Variants in LARP1B observed in about 807,000 individuals in gnomAD.
LARP1B encodes the protein La ribonucleoprotein 1B.
Under a neutral mutation model 114.2 loss-of-function variants are expected in LARP1B, and 76 were observed. The ratio of observed to expected loss-of-function variants is 0.67; its 90% CI spans 0.55 to 0.81. The LOEUF (loss-of-function observed/expected upper bound fraction) is 0.81. Among genes scored for constraint, LARP1B ranks in the 30% least tolerant of loss-of-function variants. LARP1B has a pLI of 0.00. For synonymous variants in LARP1B, 345 were observed against 348.0 expected, an observed-to-expected ratio of 0.99 and a Z score of 0.10; for missense variants, 1,014 against 1,075.8, an observed-to-expected ratio of 0.94 and a Z score of 0.80.
At chr4:128,099,283 T>C (rs1779414292) in intron 8 of LARP1B, among the ~76,000 whole-genome samples, 1 of 150,026 alleles carries the variant, frequency 6.7e-6, no homozygotes, top group African/African-American at 2.4e-5. Context: ...TTTTTCTTTT[T>C]TTCTTTCTTT....
chr4:128,083,225 C>A (rs1373689735), intron 5 of LARP1B, among the ~76,000 whole-genome samples: 1 of 152,218 alleles, frequency 6.6e-6, no homozygotes, highest in Non-Finnish European at 1.5e-5. Flanking sequence ...ACTTTCCACA[C>A]AGACACGGCA....
chr4:128,194,491 G>A (rs1753371500), intron 15 of LARP1B, among the ~76,000 whole-genome samples: 1 of 150,404 alleles, frequency 6.6e-6, no homozygotes, highest in Non-Finnish European at 1.5e-5. Flanking sequence ...GACCATCCTG[G>A]CTAACACGGT....
intron 15 of LARP1B, among the ~76,000 whole-genome samples, chr4:128,193,648 C>T (rs952909841): frequency 2.0e-5 from 3 of 151,978 alleles, no homozygotes; most frequent in Admixed American, 6.6e-5. Flanking sequence ...CAGAGTTTCG[C>T]TCTCGTTGCC....
At chr4:128,101,519 GT>G (rs1459363999) in intron 8 of LARP1B, among the ~76,000 whole-genome samples, 1 of 149,548 alleles carries the variant, frequency 6.7e-6, no homozygotes, top group East Asian at 2.0e-4. Flanking sequence ...TTATAGATAA[GT>G]ATATAAGGTT....
intron 9 of LARP1B, among the ~76,000 whole-genome samples, chr4:128,110,012 T>G (rs1783496123): frequency 6.6e-6 from 1 of 152,144 alleles, no homozygotes. Flanking sequence ...CAAGCAATTC[T>G]CTTGCCTCAG....
At chr4:128,206,898 ACTGCTAGGT>A (rs1382784297) in intron 18 of LARP1B, 2 of 900,590 alleles carry the variant, frequency 2.2e-6, no homozygotes, top group Non-Finnish European at 2.7e-6. Context: ...TCTGGGACAG[ACTGCTAGGT>A]GCAAATTCCC....
chr4:128,091,261 T>C, intron 6 of LARP1B, 86 bp from the exon 7 acceptor site: 1 of 1,514,300 alleles, frequency 6.6e-7, no homozygotes, highest in Non-Finnish European at 8.9e-7. Flanking sequence ...TTTATGTTTG[T>C]TAACCTTTGA....
chr4:128,188,610 C>G (rs1216043472), intron 15 of LARP1B, among the ~76,000 whole-genome samples: 1 of 151,948 alleles, frequency 6.6e-6, no homozygotes, highest in Non-Finnish European at 1.5e-5. Context: ...TATTTGAAAC[C>G]TACTTTTTTG....
At chr4:128,177,455 G>C (rs1241923366) in intron 13 of LARP1B, among the ~76,000 whole-genome samples, 2 of 151,892 alleles carry the variant, frequency 1.3e-5, no homozygotes, top group Non-Finnish European at 2.9e-5. Context: ...TTCATCTGCT[G>C]GCTTGTTTGT....
intron 15 of LARP1B, among the ~76,000 whole-genome samples, chr4:128,198,559 A>G (rs1755000798): frequency 6.6e-6 from 1 of 152,262 alleles, no homozygotes; most frequent in South Asian, 2.1e-4. Flanking sequence ...CTCAATTCAC[A>G]TCAGTTTTAC....
intron 11 of LARP1B, among the ~76,000 whole-genome samples, chr4:128,159,361 C>T (rs980644429): frequency 4.6e-5 from 7 of 152,068 alleles, no homozygotes; most frequent in African/African-American, 1.7e-4. Context: ...TCTAAAGTTA[C>T]CCCTTTAGAG....
chr4:128,092,233 A>G (rs1776177537), intron 7 of LARP1B, among the ~76,000 whole-genome samples: 1 of 152,134 alleles, frequency 6.6e-6, no homozygotes. Context: ...AAATGGTGGT[A>G]TCTTTTGATT....
Position 128,210,413 on chromosome 4 carries a change from A to C in LARP1B, c.*360A>C. On this transcript the variant is annotated 3_prime_UTR_variant, in exon 20 of 20. Coordinates refer to ENST00000326639, the MANE Select transcript of LARP1B (RefSeq NM_018078.4). ...TAAAAAACAATACAAGGAATGCCTAACATTTCAGCTCATACTTCTTAAAGA... is the reference window on the plus strand; with the variant it reads ...TAAAAAACAATACAAGGAATGCCTACCATTTCAGCTCATACTTCTTAAAGA... 2.9e-6 allele frequency: 3 copies of C among 1,048,242 alleles called. No individual in the cohort carries two copies. Among genetic ancestry groups the C allele is most frequent in the Non-Finnish European group, 3.5e-6 (3 of 867,244 alleles). The allele number at this position is 1,048,242 out of a possible 1,614,324, so 64.9% of individuals were successfully genotyped here. A position where few individuals can be genotyped will look rare whatever the true frequency, so the allele number is the denominator to read the frequency against.
chr4:128,196,529 A>G (rs1202313052), intron 15 of LARP1B, among the ~76,000 whole-genome samples: 2 of 151,752 alleles, frequency 1.3e-5, no homozygotes, highest in Admixed American at 1.3e-4. Context: ...AAAAAAATAA[A>G]AAGTAAAAAA....
intron 1 of LARP1B, chr4:128,069,001 A>G: frequency 1.3e-6 from 1 of 798,232 alleles, no homozygotes; most frequent in Non-Finnish European, 1.9e-6. Context: ...GAATTTTACA[A>G]ACTTTACTTA....
rs1485354686 is a variant in LARP1B, at chr4:128,128,318, CA to C, written c.1524+6131del. On this transcript the variant is annotated intron_variant, in intron 11 of 19. Coordinates refer to ENST00000326639, the MANE Select transcript of LARP1B (RefSeq NM_018078.4). ...ATTTTGAATCTCAAAGGACACTATA[CA>C]GAAAGTGAAAAGCCAGTACAGATGT... 5.3e-5 allele frequency among the ~76,000 whole-genome samples: 8 copies of C among 152,080 alleles called. No homozygotes were observed. The East Asian group carries it at 1.5e-3, about 29-fold the overall frequency.
rs1369068759 is a variant in LARP1B, at chr4:128,077,895, A to G, written c.150A>G (p.Thr50=). 1.2e-6 allele frequency: 2 copies of G among 1,613,674 alleles called. No homozygotes were observed. The highest frequency in any genetic ancestry group is 1.7e-6 in the Non-Finnish European group (2 of 1,179,896). The stretch of plus-strand genomic sequence containing the variant: ...GTGACAGCAAAGAAAACCGGGAAAC[A>G]AAATTAAATGGTCCTGGTGAAAACG... ...SNSDSKENRE[T]KLNGPGENVS... is the part of the protein sequence containing the mutation. Residue 50 remains threonine, a synonymous_variant, in exon 4 of 20, where the codon ACA becomes ACG. Transcript: ENST00000326639.
At chr4:128,158,966 T>G (rs1464924302) in intron 11 of LARP1B, among the ~76,000 whole-genome samples, 2 of 151,476 alleles carry the variant, frequency 1.3e-5, no homozygotes. Context: ...GGCCAGGAGT[T>G]CAAGACCAGT....
At chr4:128,064,423 A>G (rs1369170648) in intron 1 of LARP1B, among the ~76,000 whole-genome samples, 1 of 152,172 alleles carries the variant, frequency 6.6e-6, no homozygotes, top group Non-Finnish European at 1.5e-5. Flanking sequence ...TTAATTGTTG[A>G]TAAATTTTGA....
Sources: gnomAD v4.1 joint callset for allele counts (sites outside exome capture counted in the v4.1 genomes callset) on GRCh38, gnomAD v4.1.1 for gene constraint, MANE v1.5 for transcripts, NCBI Gene and HGNC (gene_info 2026-07-23, HGNC 2026-07-21) for gene names.